The following ATP13A4 variants were observed in gnomAD, a reference collection of about 807,000 sequenced individuals.
The protein encoded by ATP13A4 is probable cation-transporting ATPase 13A4.
In ATP13A4, 114 loss-of-function variants were observed where a neutral mutation model predicts 142.5. That is an observed-to-expected ratio of 0.80 (90% CI 0.69 to 0.93). The LOEUF (loss-of-function observed/expected upper bound fraction) is 0.93. ATP13A4 is among the 40% of genes least tolerant of loss of function. The pLI is 0.00. For missense variants in ATP13A4, 1,392 were observed against 1,454.0 expected, an observed-to-expected ratio of 0.96 and a Z score of 0.69; for synonymous variants, 488 against 514.8, an observed-to-expected ratio of 0.95 and a Z score of 0.70.
At chr3:193,504,523 T>C (rs1390080386) in intron 2 of ATP13A4, among the ~76,000 whole-genome samples, 1 of 152,196 alleles carries the variant, frequency 6.6e-6, no homozygotes, top group African/African-American at 2.4e-5. Context: ...TATTCTCCCA[T>C]TTAGTTGGCA....
At chr3:193,495,245 A>C (rs1180795249) in intron 3 of ATP13A4, among the ~76,000 whole-genome samples, 1 of 152,108 alleles carries the variant, frequency 6.6e-6, no homozygotes, top group African/African-American at 2.4e-5. Flanking sequence ...ATTAATATGC[A>C]TCAGGTGATA....
chr3:193,407,467 A>G (rs1714556662), intron 28 of ATP13A4, 74 bp from the exon 29 acceptor site: 8 of 1,192,156 alleles, frequency 6.7e-6, no homozygotes, highest in Non-Finnish European at 1.0e-5. Context: ...TGTTCACAGC[A>G]TATATTTTCC....
intron 29 of ATP13A4, chr3:193,404,275 A>ACAG (rs57526650): frequency 2.3e-6 from 1 of 436,766 alleles, no homozygotes; most frequent in African/African-American, 2.9e-5. Flanking sequence ...ACACACACAC[A>ACAG]GAGAGAGAAA....
upstream of ATP13A4, chr3:193,554,990 G>C (rs1029744780): frequency 7.0e-7 from 1 of 1,436,868 alleles, no homozygotes. Flanking sequence ...CTCCTCCCAC[G>C]AGTCGCCCTC....
chr3:193,416,360 A>C (rs1715062909), intron 25 of ATP13A4, among the ~76,000 whole-genome samples: 1 of 152,236 alleles, frequency 6.6e-6, no homozygotes, highest in Non-Finnish European at 1.5e-5. Flanking sequence ...CAGATATTAG[A>C]CTTATTAGGT....
At chr3:193,416,656 G>A (rs1715078871) in intron 25 of ATP13A4, among the ~76,000 whole-genome samples, 1 of 151,850 alleles carries the variant, frequency 6.6e-6, no homozygotes, top group African/African-American at 2.4e-5. Flanking sequence ...AGGTAGGATA[G>A]TTGAAAATAT....
chr3:193,439,177 G>C (rs62285717), intron 21 of ATP13A4, 112 bp from the exon 22 acceptor site: 92,600 of 1,153,020 alleles, frequency 0.08, 4,469 homozygotes, highest in Admixed American at 0.16. Context: ...ATTATTTAAG[G>C]GAATTTTCCT....
At chr3:193,411,415 T>C (rs1714760643) in intron 27 of ATP13A4, among the ~76,000 whole-genome samples, 1 of 152,222 alleles carries the variant, frequency 6.6e-6, no homozygotes, top group African/African-American at 2.4e-5. Context: ...CAAATCATTT[T>C]CTGGTAAAAA....
intron 1 of ATP13A4, among the ~76,000 whole-genome samples, chr3:193,520,000 C>T (rs759538895): frequency 1.3e-5 from 2 of 151,990 alleles, no homozygotes; most frequent in Non-Finnish European, 1.5e-5. Context: ...TCCCCTACAA[C>T]GAGGCTTTAA....
chr3:193,404,418 A>G (rs1261959081), intron 29 of ATP13A4, among the ~76,000 whole-genome samples: 2 of 152,172 alleles, frequency 1.3e-5, no homozygotes, highest in Non-Finnish European at 2.9e-5. Flanking sequence ...CACATTATAA[A>G]TACAAGGCAG....
intron 1 of ATP13A4, among the ~76,000 whole-genome samples, chr3:193,517,532 G>A (rs1162524053): frequency 2.6e-5 from 4 of 152,198 alleles, no homozygotes; most frequent in Non-Finnish European, 5.9e-5. Flanking sequence ...CCAGGCTGGA[G>A]TACAGTGGCG....
rs77650586 is a variant in ATP13A4 at position 193,464,342 on chromosome 3, C to T, written c.1461+598G>A. Among the ~76,000 whole-genome samples the T allele has an allele frequency of 3.0e-3, 452 of 152,276 alleles. 4 individuals are homozygous for T. The highest frequency in any genetic ancestry group is 0.01 in the African/African-American group (421 of 41,546). On this transcript the variant is annotated intron_variant, in intron 12 of 29. Transcript: ENST00000342695. ...CCATCTTATTCTCTCACAACTCCCACCTTCACCCCAGCATATGTGTGTACA... is the reference window on the plus strand; with the variant it reads ...CCATCTTATTCTCTCACAACTCCCATCTTCACCCCAGCATATGTGTGTACA...
rs1714953343 is a variant in ATP13A4, at chr3:193,414,590, C to T, written c.3003G>A (p.Val1001=). The part of the protein sequence containing the change: ...ILVQRQPWYS[V]EIHSACTVQN... ...GACTATACTCATACCTGTGTATCTC[C>T]ACGGAATACCAAGGCTGCCTCTGAA... Residue 1001 remains valine, a synonymous_variant, in exon 26 of 30, where the codon GTG becomes GTA. Coordinates refer to ENST00000342695, the MANE Select transcript of ATP13A4 (RefSeq NM_032279.4). 6.2e-7 allele frequency: 1 copy of T among 1,613,752 alleles called. No homozygotes were observed. The highest frequency in any genetic ancestry group is 1.7e-5 in the Admixed American group (1 of 59,930).
upstream of ATP13A4, chr3:193,554,936 G>T: frequency 2.5e-6 from 4 of 1,597,640 alleles, no homozygotes; most frequent in South Asian, 4.4e-5. Context: ...TCCTCCTTGA[G>T]CACACACCTT....
intron 5 of ATP13A4, among the ~76,000 whole-genome samples, 155 bp downstream of exon 5, chr3:193,492,762 T>C (rs1405957142): frequency 2.0e-5 from 3 of 152,162 alleles, no homozygotes; most frequent in Admixed American, 6.6e-5. Context: ...GATGATGTAA[T>C]ATAATGTATG....
chr3:193,493,088 A>G lies in ATP13A4; in HGVS notation c.452+2T>C, dbSNP rs746227379. ...TTGGCTGTACTTGCTAAAACAACTT[A>G]CCCAATTTTCTGGAACTGTCCTTCT... is the stretch of plus-strand genomic sequence containing the variant. On this transcript the variant is annotated splice_donor_variant, in intron 4 of 29. Coordinates refer to ENST00000342695, the MANE Select transcript of ATP13A4 (RefSeq NM_032279.4). LOFTEE classifies it high-confidence loss of function. The G allele has an allele frequency of 5.6e-6, 9 of 1,613,120 alleles. No individual in the cohort carries two copies. Among genetic ancestry groups the G allele is most frequent in the Non-Finnish European group, 7.6e-6 (9 of 1,179,414 alleles).
At chr3:193,581,309 C>T (rs1005631175) in intron 2 of ATP13A4, among the ~76,000 whole-genome samples, 12 of 152,096 alleles carry the variant, frequency 7.9e-5, no homozygotes, top group African/African-American at 1.7e-4. Flanking sequence ...TTTTTTCCAT[C>T]ACTTTCTTAA....
intron 3 of ATP13A4, among the ~76,000 whole-genome samples, chr3:193,499,781 GA>G (rs1720437445): frequency 6.6e-6 from 1 of 152,138 alleles, no homozygotes; most frequent in Non-Finnish European, 1.5e-5. Context: ...TGATCAGTTC[GA>G]GAACCTCTTA....
chr3:193,470,876 T>C lies in ATP13A4; in HGVS notation c.926A>G (p.Asp309Gly). The part of the protein sequence containing the change: ...AVLIEGSCVV[D>G]EGMLTGESIP... ...AACTGTACCTGTCAGCATGCCTTCA[T>C]CCACCACACAGCTGCCTTCAATCAG... is the stretch of plus-strand genomic sequence containing the variant. The change falls in exon 9 of 30, where the codon GAT becomes GGT. Residue 309 changes from aspartate to glycine, a missense_variant. By Grantham distance (94) the Asp-to-Gly change is moderately conservative (BLOSUM62 -1). Transcript: ENST00000342695. The C allele has an allele frequency of 8.7e-6, 14 of 1,614,062 alleles. No individual in the cohort carries two copies. The highest frequency in any genetic ancestry group is 1.2e-5 in the Non-Finnish European group (14 of 1,180,024).
Sources: allele counts gnomAD v4.1 joint callset (sites outside exome capture counted in the v4.1 genomes callset), GRCh38; gene constraint gnomAD v4.1.1; transcripts MANE v1.5; gene names NCBI Gene and HGNC (gene_info 2026-07-23, HGNC 2026-07-21).